HMGCLL1: variants seen among roughly 807,000 people sequenced by gnomAD.
HMGCLL1 encodes 3-hydroxy-3-methylglutaryl-CoA lyase like 1.
A neutral mutation model predicts 39.1 loss-of-function variants in HMGCLL1; 36 were observed. The observed-to-expected ratio is 0.92, with a 90% CI of 0.71 to 1.22. HMGCLL1 has a LOEUF of 1.22. Ranked by LOEUF, HMGCLL1 falls within the 50% of genes most tolerant of loss-of-function variation. The pLI is 0.00. For missense variants in HMGCLL1, 451 were observed against 416.5 expected (o/e 1.08, Z -0.72); for synonymous variants, 149 against 144.0 (o/e 1.03, Z -0.25).
intron 1 of HMGCLL1, among the ~76,000 whole-genome samples, chr6:55,568,130 T>C (rs531118904): frequency 6.6e-6 from 1 of 152,198 alleles, no homozygotes; most frequent in Non-Finnish European, 1.5e-5. Flanking sequence ...CAACATTTAC[T>C]AATTGGTATT....
the HMGCLL1 span, among the ~76,000 whole-genome samples, chr6:55,669,576 C>A: frequency 6.6e-6 from 1 of 151,606 alleles, no homozygotes; most frequent in Admixed American, 6.6e-5. Flanking sequence ...TTTAAAATAC[C>A]TATTATAAGA....
rs187882974 is a variant in HMGCLL1, at chr6:55,549,661, G to A, written c.109-7521C>T. 3.0e-4 allele frequency among the ~76,000 whole-genome samples: 45 copies of A among 151,996 alleles called. 2 individuals are homozygous for A. The highest frequency in any genetic ancestry group is 1.1e-3 in the African/African-American group (44 of 41,356). ...AAGATGGCATAGCAGTGTGTTAGCTGAGGACACTTGGTTTAATATTTAGCT... is the reference window on the plus strand; with the variant it reads ...AAGATGGCATAGCAGTGTGTTAGCTAAGGACACTTGGTTTAATATTTAGCT... On this transcript the variant is annotated intron_variant, in intron 1 of 8. Transcript: ENST00000274901.
the HMGCLL1 span, among the ~76,000 whole-genome samples, chr6:55,667,024 C>A: frequency 8.1e-3 from 1,221 of 151,498 alleles, 61 homozygotes; most frequent in East Asian, 0.1. Context: ...GACCTTTGCC[C>A]GGCCTTCTTA....
chr6:55,663,127 A>T, the HMGCLL1 span, among the ~76,000 whole-genome samples: 11 of 150,974 alleles, frequency 7.3e-5, 1 homozygote, highest in South Asian at 1.7e-3. Context: ...AAAAAAAAAC[A>T]TACTCCTGAA....
chr6:55,532,815 T>TAAC, intron 3 of HMGCLL1, among the ~76,000 whole-genome samples: 1 of 33,086 alleles, frequency 3.0e-5, no homozygotes, highest in East Asian at 1.3e-3. Flanking sequence ...ATAATAATAA[T>TAAC]AATAATAATA....
intron 1 of HMGCLL1, among the ~76,000 whole-genome samples, chr6:55,556,306 G>A (rs1455938952): frequency 2.0e-5 from 3 of 152,166 alleles, no homozygotes; most frequent in Non-Finnish European, 2.9e-5. Context: ...GCCATTTTAT[G>A]TAAGAATTGT....
At chr6:55,451,198 A>C (rs1334456261) in intron 7 of HMGCLL1, among the ~76,000 whole-genome samples, 2 of 152,204 alleles carry the variant, frequency 1.3e-5, no homozygotes, top group Non-Finnish European at 2.9e-5. Flanking sequence ...TGTATTTTTC[A>C]TACTAATCTG....
chr6:55,650,078 C>CACACATATACATATATATATATAT, the HMGCLL1 span, among the ~76,000 whole-genome samples: 4 of 93,772 alleles, frequency 4.3e-5, no homozygotes, highest in Admixed American at 1.3e-4. Context: ...TATATATATA[C>CACACATATACATATATATATATAT]ACACACATAT....
At chr6:55,461,281 CT>C in intron 7 of HMGCLL1, among the ~76,000 whole-genome samples, 1 of 151,916 alleles carries the variant, frequency 6.6e-6, no homozygotes, top group East Asian at 1.9e-4. Flanking sequence ...GAACCCATTC[CT>C]TAGCTTTCTG....
the HMGCLL1 span, among the ~76,000 whole-genome samples, chr6:55,632,943 C>T: frequency 6.6e-6 from 1 of 152,090 alleles, no homozygotes; most frequent in Admixed American, 6.6e-5. Context: ...CCACATAAAG[C>T]TGCATATAGA....
intron 5 of HMGCLL1, among the ~76,000 whole-genome samples, chr6:55,505,490 T>C (rs1767109279): frequency 6.6e-6 from 1 of 151,654 alleles, no homozygotes; most frequent in Non-Finnish European, 1.5e-5. Context: ...GAATGAACAA[T>C]ATATTTTGAG....
chr6:55,550,360 T>C (rs1184467626), intron 1 of HMGCLL1, among the ~76,000 whole-genome samples: 1 of 151,904 alleles, frequency 6.6e-6, no homozygotes, highest in African/African-American at 2.4e-5. Context: ...ACAGCGCCAC[T>C]TTATCCAAGG....
At chr6:55,586,659 C>T in the HMGCLL1 span, among the ~76,000 whole-genome samples, 1 of 151,484 alleles carries the variant, frequency 6.6e-6, no homozygotes, top group African/African-American at 2.4e-5. Context: ...GTTTTTTGTC[C>T]TTGCGATAGT....
chr6:55,537,240 G>A (rs1581914930), intron 3 of HMGCLL1, among the ~76,000 whole-genome samples: 1 of 152,078 alleles, frequency 6.6e-6, no homozygotes, highest in South Asian at 2.1e-4. Context: ...AACATTTAAT[G>A]TGTTATATAG....
At chr6:55,571,121 G>A (rs1355959184) in intron 1 of HMGCLL1, among the ~76,000 whole-genome samples, 2 of 152,090 alleles carry the variant, frequency 1.3e-5, no homozygotes, top group Non-Finnish European at 2.9e-5. Flanking sequence ...TTTGGGTTGG[G>A]GACACAGCCA....
chr6:55,500,701 A>C (rs1766838080), intron 5 of HMGCLL1, among the ~76,000 whole-genome samples: 1 of 152,016 alleles, frequency 6.6e-6, no homozygotes, highest in Admixed American at 6.6e-5. Flanking sequence ...CTATAATCTA[A>C]GTTTATGCTT....
chr6:55,497,270 C>A (rs1581858377), intron 6 of HMGCLL1, among the ~76,000 whole-genome samples: 1 of 151,684 alleles, frequency 6.6e-6, no homozygotes, highest in Non-Finnish European at 1.5e-5. Flanking sequence ...AGAATACAGA[C>A]AACAAAACAC....
chr6:55,553,709 C>T (rs1252494064), intron 1 of HMGCLL1, among the ~76,000 whole-genome samples: 1 of 152,054 alleles, frequency 6.6e-6, no homozygotes, highest in Non-Finnish European at 1.5e-5. Context: ...GTAAGGCTAA[C>T]TTGAAGACAT....
chr6:55,531,898 G>T (rs2127448894), intron 3 of HMGCLL1, among the ~76,000 whole-genome samples: 1 of 152,040 alleles, frequency 6.6e-6, no homozygotes, highest in Non-Finnish European at 1.5e-5. Flanking sequence ...CAAGCTTAGG[G>T]CTCCTACTGA....
Sources: allele counts gnomAD v4.1 joint callset (sites outside exome capture counted in the v4.1 genomes callset), GRCh38; gene constraint gnomAD v4.1.1; transcripts MANE v1.5; gene names NCBI Gene and HGNC (gene_info 2026-07-23, HGNC 2026-07-21).